The following POLE variants were observed in gnomAD, a reference collection of about 807,000 sequenced individuals.
POLE encodes DNA polymerase epsilon catalytic subunit A.
In POLE, 188 loss-of-function variants were observed where a neutral mutation model predicts 279.2. That is an observed-to-expected ratio of 0.67 (90% CI 0.60 to 0.76). The LOEUF is 0.76. Among genes scored for constraint, POLE ranks in the 30% least tolerant of loss-of-function variants. The pLI is 0.00. For synonymous variants in POLE, 1,214 were observed against 1,172.5 expected (o/e 1.04, Z -0.72); for missense variants, 2,703 against 3,016.7 (o/e 0.90, Z 2.44).
intron 26 of POLE, 124 bp downstream of exon 26, chr12:132,659,171 C>G (rs550890943): frequency 2.1e-4 from 208 of 987,908 alleles, no homozygotes; most frequent in Non-Finnish European, 2.9e-4. Flanking sequence ...CTTACCTCTC[C>G]GTGACAGGGC....
chr12:132,640,811 TC>T (rs1406591220), intron 39 of POLE, among the ~76,000 whole-genome samples: 1 of 152,192 alleles, frequency 6.6e-6, no homozygotes, highest in Non-Finnish European at 1.5e-5. Context: ...GCTGTTGGAC[TC>T]CTTCTACCTT....
At chr12:132,686,142 G>T (rs2043258259) in intron 1 of POLE, among the ~76,000 whole-genome samples, 1 of 152,192 alleles carries the variant, frequency 6.6e-6, no homozygotes, top group Admixed American at 6.5e-5. Context: ...CTCCCAAAGT[G>T]CTGGGATTAC....
In POLE at chr12:132,641,679, G is replaced by A. The variant is rs761902063; in HGVS notation, c.5346C>T (p.Tyr1782=). ...GGQAASAPAS[Y]DETALCSNTF... ...TGTTAGAGCACAGGGCTGTCTCATC[G>A]TAGCTGGCCGGGGCACTGGCAGCCT... The change falls in exon 39 of 49, where the codon TAC becomes TAT. Residue 1782 remains tyrosine (Y), a synonymous_variant. Transcript: ENST00000320574. The A allele has an allele frequency of 8.7e-6, 14 of 1,614,012 alleles. No homozygotes were observed. The highest frequency in any genetic ancestry group is 6.6e-5 in the South Asian group (6 of 91,082).
rs199757297 is a variant in POLE, at chr12:132,668,283, C to A, written c.2173+73G>T. 6.7e-7 allele frequency: 1 copy of A among 1,491,582 alleles called. No homozygotes were observed. The highest frequency in any genetic ancestry group is 2.3e-5 in the Admixed American group (1 of 43,846). The allele number at this position is 1,491,582 out of a possible 1,614,324, so 92.4% of individuals were successfully genotyped here. On this transcript the variant is annotated intron_variant, in intron 19 of 48. Transcript: ENST00000320574. The surrounding 1 kb of genome is among the most constrained non-coding windows in gnomAD (Gnocchi z 4.0). ...TGGGGCCCCAGCTGGGATGGACCAA[C>A]GCAGCCCAGTAAGAACAGAAAGTGG...
intron 42 of POLE, among the ~76,000 whole-genome samples, chr12:132,635,326 G>C (rs5744997): frequency 0.071 from 10,830 of 152,234 alleles, 546 homozygotes; most frequent in Admixed American, 0.14. Flanking sequence ...AGCCCACCCA[G>C]GCCCTTCTCA....
chr12:132,659,166 C>G (rs1230307814), intron 26 of POLE, 129 bp downstream of exon 26: 1 of 928,520 alleles, frequency 1.1e-6, no homozygotes, highest in South Asian at 1.7e-5. Context: ...AACCCCTTAC[C>G]TCTCCGTGAC....
intron 16 of POLE, among the ~76,000 whole-genome samples, chr12:132,669,389 G>A (rs927411790): frequency 4.6e-5 from 7 of 151,882 alleles, no homozygotes; most frequent in Admixed American, 6.6e-5. Context: ...GCTTGAGCCC[G>A]TGAGGTCAAG....
chr12:132,664,156 GAA>G lies in POLE; in HGVS notation c.2562-10_2562-9del, dbSNP rs1315408289. 1 of 1,613,692 alleles carries G rather than the reference GAA, an allele frequency of 6.2e-7. No individual in the cohort carries two copies. Among genetic ancestry groups the G allele is most frequent in the Admixed American group, 1.7e-5 (1 of 60,028 alleles). On this transcript the variant is annotated splice_polypyrimidine_tract_variant and intron_variant, in intron 22 of 48. Transcript: ENST00000320574. The surrounding 1 kb of genome is among the most constrained non-coding windows in gnomAD (Gnocchi z 5.3). ...TCCAGCTCTAAGGGCCTCCTTCAGAGAAAGAGAGGAGCAAGGTCGTGAGTTCC... is the reference window on the plus strand; with the variant it reads ...TCCAGCTCTAAGGGCCTCCTTCAGAGAGAGAGGAGCAAGGTCGTGAGTTCC...
chr12:132,639,395 A>G lies in POLE; in HGVS notation c.5379-97T>C. 1 of 1,181,828 alleles carries G rather than the reference A, an allele frequency of 8.5e-7. No homozygotes were observed. The highest frequency in any genetic ancestry group is 1.4e-5 in the South Asian group (1 of 69,804). 73.2% of individuals were successfully genotyped at this position (1,181,828 alleles called of 1,614,324 possible). A position where few individuals can be genotyped will look rare whatever the true frequency, so the allele number is the denominator to read the frequency against. ...TGAAATGGGCACAGGTTTTCCCTACACGGCTGGGTCCAAATCCGTCACTGT... is the reference window on the plus strand; with the variant it reads ...TGAAATGGGCACAGGTTTTCCCTACGCGGCTGGGTCCAAATCCGTCACTGT... On this transcript the variant is annotated intron_variant, in intron 39 of 48. Coordinates refer to ENST00000320574, the MANE Select transcript of POLE (RefSeq NM_006231.4). This position sits in a 1 kb window ranked among gnomAD's most constrained non-coding sequence, Gnocchi z 4.7.
chr12:132,677,513 A>G (rs2043081114), intron 7 of POLE, 65 bp downstream of exon 7: 1 of 1,611,336 alleles, frequency 6.2e-7, no homozygotes. Flanking sequence ...GGATTCACCC[A>G]TAATGATCAT....
At chr12:132,638,825 T>C (rs2042084227) in intron 40 of POLE, 1 of 369,408 alleles carries the variant, frequency 2.7e-6, no homozygotes, top group Non-Finnish European at 5.0e-6. Context: ...ACAGATCTCC[T>C]GACACAGGCA....
At position 132,668,619 on chromosome 12, in the gene POLE, G is replaced by A. The variant is rs202137805; in HGVS notation, c.2026+16C>T. 6.2e-7 allele frequency: 1 copy of A among 1,604,626 alleles called. No individual in the cohort carries two copies. Among genetic ancestry groups the A allele is most frequent in the East Asian group, 2.2e-5 (1 of 44,570 alleles). ...CCGTTTCCCACCGAGTGCCCACCCA[G>A]GCGGCCGACACTCACTGAACTCGCC... On this transcript the variant is annotated intron_variant, in intron 18 of 48. Coordinates refer to ENST00000320574, the MANE Select transcript of POLE (RefSeq NM_006231.4). The surrounding 1 kb of genome is among the most constrained non-coding windows in gnomAD (Gnocchi z 4.0).
In POLE at chr12:132,641,791, AC is replaced by A. The variant is rs1426234144; in HGVS notation, c.5233del (p.Val1745SerfsTer16). The A allele has an allele frequency of 6.2e-7, 1 of 1,606,648 alleles. No individual in the cohort carries two copies. The highest frequency in any genetic ancestry group is 1.3e-5 in the African/African-American group (1 of 74,902). On this transcript the variant is annotated frameshift_variant, in exon 39 of 49. Coordinates refer to ENST00000320574, the MANE Select transcript of POLE (RefSeq NM_006231.4). LOFTEE classifies it high-confidence loss of function. ...AVNTILQSHHVNDMEGADSMG... is the reference protein window; with the variant it reads ...AVNTILQSHHXNDMEGADSMG... ...GCTGTCGGCCCCCTCCATGTCGTTG[AC>A]ATGGTGAGACTGGAGAATGGTGTTG... is the stretch of plus-strand genomic sequence containing the variant.
chr12:132,677,365 G>A lies in POLE; in HGVS notation c.799C>T (p.Pro267Ser). 1 of 1,612,850 alleles carries A rather than the reference G, an allele frequency of 6.2e-7. No individual in the cohort carries two copies. The highest frequency in any genetic ancestry group is 8.5e-7 in the Non-Finnish European group (1 of 1,178,864). The change falls in exon 8 of 49, where the codon CCT (proline) becomes TCT (serine). Residue 267 changes from proline to serine, a missense_variant and splice_region_variant. By Grantham distance (74) the Pro-to-Ser change is moderately conservative. Coordinates refer to ENST00000320574, the MANE Select transcript of POLE (RefSeq NM_006231.4). Reference sequence around the variant, plus strand: ...AAGGTAACACAAGCAAAACTTACAGGTCGTTCAACAAGGTCATCTCGGCGG... The same window carrying A: ...AAGGTAACACAAGCAAAACTTACAGATCGTTCAACAAGGTCATCTCGGCGG... ...ITRRDDLVER[P>S]DPVVLAFDIE... is the part of the protein sequence containing the mutation.
At position 132,668,870 on chromosome 12, in the gene POLE, T is replaced by A; in HGVS notation, c.1864A>T (p.Ile622Phe). ...ATGGCCCCCACGTCCAGGTGGTAGA[T>A]GAGTGGACACTCGATGCGGCTGGGA... The part of the protein sequence containing the change: ...DVPSRIECPL[I>F]YHLDVGAMYP... The change falls in exon 17 of 49, where the codon ATC (isoleucine) becomes TTC (phenylalanine). Residue 622 changes from isoleucine (I) to phenylalanine (F), a missense_variant. Around this residue, in one of 5 missense-constraint regions of POLE, gnomAD observed 1,011 missense variants for 1,111.7 expected, o/e 0.91. Transcript: ENST00000320574. The surrounding 1 kb of genome is among the most constrained non-coding windows in gnomAD (Gnocchi z 4.0). 6.2e-7 allele frequency: 1 copy of A among 1,614,104 alleles called. No individual in the cohort carries two copies. The highest frequency in any genetic ancestry group is 8.5e-7 in the Non-Finnish European group (1 of 1,179,964).
At chr12:132,654,870 C>T (rs1402478150) in intron 29 of POLE, among the ~76,000 whole-genome samples, 1 of 152,214 alleles carries the variant, frequency 6.6e-6, no homozygotes, top group African/African-American at 2.4e-5. Context: ...TTGTTTCACT[C>T]ATTCTGGCTC....
chr12:132,681,334 T>G lies in POLE; in HGVS notation c.63-55A>C, dbSNP rs187200255. Reference sequence around the variant, plus strand: ...ATTTGTAATGCCACCTGCTGCTGCTTCTTTTTTTCTTTTTTTTCTTTTTTT... The same window carrying G: ...ATTTGTAATGCCACCTGCTGCTGCTGCTTTTTTTCTTTTTTTTCTTTTTTT... On this transcript the variant is annotated intron_variant, in intron 1 of 48. Coordinates refer to ENST00000320574, the MANE Select transcript of POLE (RefSeq NM_006231.4). 1.7e-5 allele frequency: 27 copies of G among 1,557,532 alleles called. No homozygotes were observed. In the East Asian group the frequency reaches 5.4e-4, roughly 31 times the overall value.
chr12:132,685,225 T>C (rs1194847429), intron 1 of POLE, among the ~76,000 whole-genome samples: 1 of 151,528 alleles, frequency 6.6e-6, no homozygotes, highest in Non-Finnish European at 1.5e-5. Context: ...CTGGTTACTG[T>C]ATCACACCGT....
At chr12:132,641,984 A>T in intron 38 of POLE, 133 bp from the exon 39 acceptor site, 1 of 965,006 alleles carries the variant, frequency 1.0e-6, no homozygotes, top group Non-Finnish European at 1.6e-6. Flanking sequence ...CACACCTGCC[A>T]GGCTATTCAG....
Sources: allele counts gnomAD v4.1 joint callset (sites outside exome capture counted in the v4.1 genomes callset), GRCh38; gene constraint gnomAD v4.1.1; regional missense constraint gnomAD v4.1.1; non-coding constraint Gnocchi (gnomAD v3.1); transcripts MANE v1.5; gene names NCBI Gene and HGNC (gene_info 2026-07-23, HGNC 2026-07-21).